The following PADI4 variants were observed in gnomAD, a reference collection of about 807,000 sequenced individuals.
The protein encoded by PADI4 is peptidyl arginine deiminase 4.
Under a neutral mutation model 75.0 loss-of-function variants are expected in PADI4, and 62 were observed. That is an observed-to-expected ratio of 0.83 (90% CI 0.67 to 1.02). The LOEUF (loss-of-function observed/expected upper bound fraction) is 1.02. Ranked by LOEUF, PADI4 falls within the 50% of genes least tolerant of loss-of-function variation. The probability of loss-of-function intolerance (pLI) is 0.00; values close to 1 mark genes in which losing one functional copy is unlikely to be tolerated. For synonymous variants in PADI4, 361 were observed against 348.1 expected, an observed-to-expected ratio of 1.04 and a Z score of -0.41; for missense variants, 845 against 850.5, an observed-to-expected ratio of 0.99 and a Z score of 0.08.
chr1:17,359,234 C>CCCCCGCCCCCCG, intron 14 of PADI4, 46 bp from the exon 15 acceptor site: 1 of 888,914 alleles, frequency 1.1e-6, no homozygotes. Context: ...CCCCCACCCC[C>CCCCCGCCCCCCG]GACTGCCATC....
intron 1 of PADI4, among the ~76,000 whole-genome samples, chr1:17,310,463 G>A (rs974736783): frequency 5.3e-5 from 8 of 152,084 alleles, no homozygotes; most frequent in Non-Finnish European, 8.8e-5. Context: ...AGGTGGGAGG[G>A]CCACTCCCTC....
In PADI4 at chr1:17,358,825, TTC is replaced by T. The variant is rs1427452144; in HGVS notation, c.1559-10_1559-9del. ...AAGTTCATTTGCCTTTTTTTTCTTT[TTC>T]TCCATGACAGAAAAAAAACAGCAGA... On this transcript the variant is annotated splice_polypyrimidine_tract_variant and intron_variant, in intron 13 of 15. Coordinates refer to ENST00000375448, the MANE Select transcript of PADI4 (RefSeq NM_012387.3). The T allele has an allele frequency of 3.2e-6, 5 of 1,577,234 alleles. No homozygotes were observed. In the African/African-American group the frequency reaches 6.8e-5, roughly 21 times the overall value.
chr1:17,363,622 T>C lies in PADI4; in HGVS notation c.1859T>C (p.Leu620Pro). The change falls in exon 16 of 16, where the codon CTG becomes CCG. Residue 620 changes from leucine (L) to proline (P), a missense_variant. Leu to Pro is a moderately conservative substitution (Grantham distance 98). Coordinates refer to ENST00000375448, the MANE Select transcript of PADI4 (RefSeq NM_012387.3). ...CCLEEKVCSLLEPLGLQCTFI... is the reference protein window; with the variant it reads ...CCLEEKVCSLPEPLGLQCTFI... ...CTGGAGGAGAAGGTGTGTTCCCTGC[T>C]GGAGCCACTGGGCCTCCAGTGCACC... 1.1e-5 allele frequency: 18 copies of C among 1,614,194 alleles called. No individual in the cohort carries two copies. Among genetic ancestry groups the C allele is most frequent in the Non-Finnish European group, 1.5e-5 (18 of 1,179,996 alleles).
chr1:17,339,055 G>A (rs760554118), intron 5 of PADI4, among the ~76,000 whole-genome samples: 53 of 152,224 alleles, frequency 3.5e-4, no homozygotes, highest in Non-Finnish European at 6.8e-4. Flanking sequence ...ACCATTCTAC[G>A]GTGGGTACAA....
intron 1 of PADI4, among the ~76,000 whole-genome samples, chr1:17,328,975 A>G (rs1233605812): frequency 2.7e-5 from 4 of 149,798 alleles, no homozygotes; most frequent in African/African-American, 9.7e-5. Context: ...TCATCCAAAA[A>G]TATCTATATT....
rs114969952 is a variant in PADI4, at chr1:17,359,218, C to T, written c.1630-62C>T. 708 of 518,956 alleles carry T rather than the reference C, an allele frequency of 1.4e-3. 2 individuals are homozygous for T. Among genetic ancestry groups the T allele is most frequent in the African/African-American group, 0.011 (552 of 50,324 alleles). 32.1% of individuals were successfully genotyped at this position (518,956 alleles called of 1,614,324 possible). ...GCAGGGGGCCTCAGCCCCACACTGT[C>T]CCCCACCCCCACCCCCGACTGCCAT... is the stretch of plus-strand genomic sequence containing the variant. On this transcript the variant is annotated intron_variant, in intron 14 of 15. Transcript: ENST00000375448.
Position 17,334,218 on chromosome 1 carries a change from T to C in PADI4, c.340+209T>C, listed in dbSNP as rs768395703. 14 of 574,048 alleles carry C rather than the reference T, an allele frequency of 2.4e-5. 1 individual carries two copies. Among genetic ancestry groups the C allele is most frequent in the Non-Finnish European group, 3.5e-5 (11 of 310,940 alleles). The allele number at this position is 574,048 out of a possible 1,614,324, so 35.6% of individuals were successfully genotyped here. On this transcript the variant is annotated intron_variant, in intron 3 of 15. Transcript: ENST00000375448. ...ACAAAGAAATACAATGTGGCAGTGG[T>C]GGTGCGGGGAATTTTAATTATATCT... is the stretch of plus-strand genomic sequence containing the variant.
chr1:17,360,641 C>T (rs918076124), intron 15 of PADI4, among the ~76,000 whole-genome samples: 10 of 152,188 alleles, frequency 6.6e-5, no homozygotes, highest in African/African-American at 2.4e-4. Flanking sequence ...AACCCCATGC[C>T]GTAACTACCA....
At chr1:17,363,243 A>T (rs2074871353) in intron 15 of PADI4, among the ~76,000 whole-genome samples, 1 of 152,120 alleles carries the variant, frequency 6.6e-6, no homozygotes, top group Non-Finnish European at 1.5e-5. Flanking sequence ...CTCAGCCTCC[A>T]AAGTAGCTGG....
intron 1 of PADI4, among the ~76,000 whole-genome samples, chr1:17,324,323 G>A (rs12030939): frequency 0.56 from 84,578 of 151,606 alleles, 23,762 homozygotes; most frequent in East Asian, 0.59. Flanking sequence ...TAGTAAGGTG[G>A]AGTGCCTCTT....
intron 8 of PADI4, among the ~76,000 whole-genome samples, chr1:17,344,029 G>A (rs2074471652): frequency 6.6e-6 from 1 of 152,156 alleles, no homozygotes; most frequent in African/African-American, 2.4e-5. Context: ...GGGAAAGTTT[G>A]GAACTTTCTA....
At chr1:17,359,217 T>TGCCCCCCCCCCC in intron 14 of PADI4, 63 bp from the exon 15 acceptor site, 42 of 647,720 alleles carry the variant, frequency 6.5e-5, no homozygotes, top group East Asian at 9.1e-5. Context: ...CCCCACACTG[T>TGCCCCCCCCCCC]CCCCCACCCC....
At chr1:17,345,175 C>A (rs1447916561) in intron 8 of PADI4, among the ~76,000 whole-genome samples, 1 of 152,224 alleles carries the variant, frequency 6.6e-6, no homozygotes, top group East Asian at 1.9e-4. Context: ...GACTGCCCTG[C>A]TGGATTTTGG....
At chr1:17,344,598 T>C (rs2100749544) in intron 8 of PADI4, among the ~76,000 whole-genome samples, 1 of 152,318 alleles carries the variant, frequency 6.6e-6, no homozygotes, top group Non-Finnish European at 1.5e-5. Context: ...CCTAGGGACT[T>C]GGTGCCCTGC....
chr1:17,358,956 C>A, intron 14 of PADI4, 48 bp downstream of exon 14: 1 of 1,305,226 alleles, frequency 7.7e-7, no homozygotes, highest in East Asian at 2.4e-5. Flanking sequence ...GCCCTGTCCC[C>A]GGCTCAGCCA....
At chr1:17,323,184 C>T (rs10888021) in intron 1 of PADI4, among the ~76,000 whole-genome samples, 84,657 of 151,904 alleles carry the variant, frequency 0.56, 23,770 homozygotes, top group East Asian at 0.6. Flanking sequence ...TTTCCTGCCA[C>T]ATTGGCCTCT....
At chr1:17,331,588 C>T (rs1438695434) in intron 2 of PADI4, among the ~76,000 whole-genome samples, 2 of 151,716 alleles carry the variant, frequency 1.3e-5, no homozygotes, top group East Asian at 1.9e-4. Context: ...GGTCCATGCT[C>T]CTGGATCGGT....
Position 17,356,512 on chromosome 1 carries a change from G to A in PADI4, c.1558+53G>A. 9.4e-7 allele frequency: 1 copy of A among 1,064,596 alleles called. No individual in the cohort carries two copies. Among genetic ancestry groups the A allele is most frequent in the Non-Finnish European group, 1.4e-6 (1 of 697,156 alleles). 65.9% of individuals were successfully genotyped at this position (1,064,596 alleles called of 1,614,324 possible). ...TCTGTGCACCTTCCTGCTTCCCATA[G>A]TCCGCTGTTGCCTGGAGGGAATCAT... On this transcript the variant is annotated intron_variant, in intron 13 of 15. Coordinates refer to ENST00000375448, the MANE Select transcript of PADI4 (RefSeq NM_012387.3). This position sits in a 1 kb window ranked among gnomAD's most constrained non-coding sequence, Gnocchi z 4.1.
At chr1:17,362,045 G>A (rs1334664423) in intron 15 of PADI4, among the ~76,000 whole-genome samples, 2 of 152,138 alleles carry the variant, frequency 1.3e-5, no homozygotes, top group Admixed American at 1.3e-4. Context: ...GACAGGTAGG[G>A]GAGGAGAACG....
Sources: allele counts gnomAD v4.1 joint callset (sites outside exome capture counted in the v4.1 genomes callset), GRCh38; gene constraint gnomAD v4.1.1; non-coding constraint Gnocchi (gnomAD v3.1); transcripts MANE v1.5; gene names NCBI Gene and HGNC (gene_info 2026-07-23, HGNC 2026-07-21).